Variants in AFF3 observed in about 807,000 individuals in gnomAD.
AFF3 encodes the protein AF4/FMR2 family member 3.
Under a neutral mutation model 129.7 loss-of-function variants are expected in AFF3, and 32 were observed. The ratio of observed to expected loss-of-function variants is 0.25; its 90% confidence interval spans 0.19 to 0.33. The LOEUF (loss-of-function observed/expected upper bound fraction) is 0.33, where lower values mean the gene tolerates loss of function less well. AFF3 is among the 10% of genes least tolerant of loss of function. The probability of loss-of-function intolerance (pLI) is 1.00; values close to 1 mark genes in which losing one functional copy is unlikely to be tolerated. For synonymous variants in AFF3, 644 were observed against 635.4 expected, an observed-to-expected ratio of 1.01 and a Z score of -0.20; for missense variants, 1,373 against 1,592.0, an observed-to-expected ratio of 0.86 and a Z score of 2.34.
intron 7 of AFF3, among the ~76,000 whole-genome samples, chr2:99,901,847 TG>T (rs1414898889): frequency 8.6e-6 from 1 of 116,490 alleles, no homozygotes; most frequent in African/African-American, 4.1e-5. Flanking sequence ...TTGATAGCTG[TG>T]CCCCCCAGAG....
chr2:100,094,518 T>C (rs909198992), intron 4 of AFF3, among the ~76,000 whole-genome samples: 1 of 152,028 alleles, frequency 6.6e-6, no homozygotes, highest in Non-Finnish European at 1.5e-5. Flanking sequence ...GGGGAGCAGC[T>C]GTAAATACAG....
intron 7 of AFF3, among the ~76,000 whole-genome samples, chr2:99,921,560 C>G (rs750015605): frequency 6.6e-6 from 1 of 152,104 alleles, no homozygotes; most frequent in Non-Finnish European, 1.5e-5. Flanking sequence ...TCAAGCGTAG[C>G]TGAAGGAAGT....
At position 99,594,161 on chromosome 2, in the gene AFF3, C is replaced by A; in HGVS notation, c.1500G>T (p.Val500=). ...GSESNQYYNP[V]KEDVQDCGKV... Reference sequence around the variant, plus strand: ...TCCCACAGTCCTGGACGTCCTCTTTCACCGGGTTGTAGTACTGATTGCTCT... The same window carrying A: ...TCCCACAGTCCTGGACGTCCTCTTTAACCGGGTTGTAGTACTGATTGCTCT... Residue 500 remains valine (V), a synonymous_variant, in exon 15 of 25, where the codon GTG becomes GTT. Coordinates refer to ENST00000672756, the MANE Select transcript of AFF3 (RefSeq NM_001386135.1). 2 of 1,614,188 alleles carry A rather than the reference C, an allele frequency of 1.2e-6. No homozygotes were observed. Among genetic ancestry groups the A allele is most frequent in the Non-Finnish European group, 1.7e-6 (2 of 1,180,032 alleles).
chr2:99,598,943 C>T (rs140753872), intron 14 of AFF3, among the ~76,000 whole-genome samples: 1,560 of 152,310 alleles, frequency 0.01, 8 homozygotes, highest in Admixed American at 0.025. Context: ...TACTTTTATT[C>T]CAACAAATAC....
At chr2:99,988,798 A>C (rs1461818800) in intron 7 of AFF3, among the ~76,000 whole-genome samples, 2 of 152,130 alleles carry the variant, frequency 1.3e-5, no homozygotes, top group African/African-American at 4.8e-5. Flanking sequence ...AAGAGAGGAC[A>C]AAAGGAGCTA....
rs201362666 is a variant in AFF3 at position 99,634,964 on chromosome 2, TACACACACACACACAC to T, written c.1184+14646_1184+14661del. 3.8e-4 allele frequency among the ~76,000 whole-genome samples: 52 copies of T among 137,768 alleles called. 1 individual carries two copies. The South Asian group carries it at 0.012, about 32-fold the overall frequency. The allele number at this position is 137,768 out of a possible 152,430, so 90.4% of individuals were successfully genotyped here. On this transcript the variant is annotated intron_variant, in intron 13 of 24. Transcript: ENST00000672756. Reference sequence around the variant, plus strand: ...CTTGAGGCAGAGCTGGATTCTGTCATACACACACACACACACACACACACACACACACACACACATA... The same window carrying T: ...CTTGAGGCAGAGCTGGATTCTGTCATACACACACACACACACACACACATA...
At chr2:99,916,436 C>T (rs1346920409) in intron 7 of AFF3, among the ~76,000 whole-genome samples, 1 of 152,154 alleles carries the variant, frequency 6.6e-6, no homozygotes, top group Non-Finnish European at 1.5e-5. Flanking sequence ...CATGCCTCGC[C>T]TCCTGCCATG....
chr2:99,715,806 G>A (rs1374011280), intron 11 of AFF3, among the ~76,000 whole-genome samples: 1 of 151,890 alleles, frequency 6.6e-6, no homozygotes. Context: ...CGAGTAGCTG[G>A]GACTACAGGT....
At chr2:99,992,620 T>C (rs1165663648) in intron 7 of AFF3, among the ~76,000 whole-genome samples, 1 of 152,230 alleles carries the variant, frequency 6.6e-6, no homozygotes, top group Non-Finnish European at 1.5e-5. Flanking sequence ...TAGATCCCAC[T>C]CTTTCAGAAA....
intron 7 of AFF3, among the ~76,000 whole-genome samples, chr2:99,887,954 A>C: frequency 6.6e-6 from 1 of 152,174 alleles, no homozygotes; most frequent in East Asian, 1.9e-4. Flanking sequence ...TAAATGCTAC[A>C]CTAAATATCC....
At chr2:100,014,782 C>CATTT in intron 4 of AFF3, among the ~76,000 whole-genome samples, 1 of 120,322 alleles carries the variant, frequency 8.3e-6, no homozygotes, top group African/African-American at 3.6e-5. Context: ...CACCTTGCTT[C>CATTT]CTTTTTTTTT....
rs140531620 is a variant in AFF3, at chr2:99,867,350, C to T, written c.874-29826G>A. On this transcript the variant is annotated intron_variant, in intron 7 of 24. Coordinates refer to ENST00000672756, the MANE Select transcript of AFF3 (RefSeq NM_001386135.1). ...GGGTTGACATTGACTGGGAATTGTC[C>T]CAGTGGGTTTGAGATAAGGCGGCTC... Among the ~76,000 whole-genome samples the T allele has an allele frequency of 3.3e-3, 495 of 152,036 alleles. 2 individuals are homozygous for T. The highest frequency in any genetic ancestry group is 0.011 in the African/African-American group (452 of 41,462).
chr2:99,719,894 G>A (rs569676945), intron 11 of AFF3, among the ~76,000 whole-genome samples: 13 of 152,192 alleles, frequency 8.5e-5, no homozygotes, highest in African/African-American at 2.4e-4. Context: ...AAAATTAGCC[G>A]GGCATGGTGG....
chr2:100,098,299 A>G (rs1690434573), intron 4 of AFF3, among the ~76,000 whole-genome samples: 1 of 152,154 alleles, frequency 6.6e-6, no homozygotes, highest in Non-Finnish European at 1.5e-5. Flanking sequence ...CAACAAAAAA[A>G]TTATGTTACC....
At chr2:100,081,639 A>T (rs1689058451) in intron 4 of AFF3, among the ~76,000 whole-genome samples, 1 of 152,144 alleles carries the variant, frequency 6.6e-6, no homozygotes. Context: ...GTGGATTAGG[A>T]TCACAGGGCC....
At chr2:99,714,577 G>T (rs935794009) in intron 11 of AFF3, among the ~76,000 whole-genome samples, 2 of 152,090 alleles carry the variant, frequency 1.3e-5, no homozygotes, top group Non-Finnish European at 2.9e-5. Flanking sequence ...ATCAGCCACA[G>T]TTCATCATTT....
chr2:100,107,452 CT>C, intron 2 of AFF3: 1 of 985,154 alleles, frequency 1.0e-6, no homozygotes. Flanking sequence ...TAAAAGGGAA[CT>C]TTTTTATGTA....
Position 99,592,151 on chromosome 2 carries a change from T to C in AFF3, c.2466+1044A>G, listed in dbSNP as rs1678745358. The stretch of plus-strand genomic sequence containing the variant: ...AATTGGCTTTAATGGATGATTAAGG[T>C]ATTCCCCTGCACAAAAACCTTCGAA... On this transcript the variant is annotated intron_variant, in intron 15 of 24. Transcript: ENST00000672756. 2.6e-5 allele frequency among the ~76,000 whole-genome samples: 4 copies of C among 152,120 alleles called. No homozygotes were observed. The South Asian group carries it at 8.3e-4, about 32-fold the overall frequency.
At chr2:99,888,526 T>C (rs961200886) in intron 7 of AFF3, among the ~76,000 whole-genome samples, 1 of 152,240 alleles carries the variant, frequency 6.6e-6, no homozygotes, top group Non-Finnish European at 1.5e-5. Flanking sequence ...TATTTCTCCC[T>C]ATTTCATCAA....
Sources: gnomAD v4.1 joint callset for allele counts (sites outside exome capture counted in the v4.1 genomes callset) on GRCh38, gnomAD v4.1.1 for gene constraint, MANE v1.5 for transcripts, NCBI Gene and HGNC (gene_info 2026-07-23, HGNC 2026-07-21) for gene names.